PLCB4: variants seen among roughly 807,000 people sequenced by gnomAD.
PLCB4 encodes the protein phospholipase C beta 4, also known as 1-phosphatidylinositol 4,5-bisphosphate phosphodiesterase beta-4.
PLCB4 carries 77 observed loss-of-function variants against 178.8 expected under a neutral mutation model. The observed-to-expected ratio is 0.43, with a 90% CI of 0.36 to 0.52. The LOEUF is 0.52. PLCB4 is among the 20% of genes least tolerant of loss of function. The pLI, the probability that PLCB4 is intolerant of heterozygous loss-of-function variation, is 0.00. For synonymous variants in PLCB4, 496 were observed against 490.8 expected (o/e 1.01, Z -0.14); for missense variants, 1,024 against 1,453.4 (o/e 0.70, Z 4.80).
At chr20:9,150,226 G>C (rs938589848) in intron 2 of PLCB4, among the ~76,000 whole-genome samples, 1 of 152,178 alleles carries the variant, frequency 6.6e-6, no homozygotes, top group Admixed American at 6.5e-5. Context: ...CTTGGTGAAT[G>C]CTCAACACTA....
intron 4 of PLCB4, among the ~76,000 whole-genome samples, chr20:9,332,957 G>T (rs2031910196): frequency 6.6e-6 from 1 of 152,164 alleles, no homozygotes; most frequent in Non-Finnish European, 1.5e-5. Context: ...AGATGAGTTT[G>T]TATGCATTAC....
chr20:9,118,314 A>C lies in PLCB4; in HGVS notation c.-79+21972A>C, dbSNP rs200382884. Among the ~76,000 whole-genome samples the C allele has an allele frequency of 7.9e-4, 117 of 148,352 alleles. No individual in the cohort carries two copies. In the East Asian group the frequency reaches 0.016, roughly 21 times the overall value. On this transcript the variant is annotated intron_variant, in intron 2 of 39. Transcript: ENST00000378473. ...CTTAAAGTATAATAATAAAAAAAAA[A>C]CAACAAAGTGCTTATAAAATATGAG...
At chr20:9,280,345 C>A in intron 3 of PLCB4, 1 of 458,388 alleles carries the variant, frequency 2.2e-6, no homozygotes, top group Non-Finnish European at 2.9e-6. Flanking sequence ...TTTCAAAACA[C>A]TGGCTCTTCA....
rs886056981 is a variant in PLCB4, at chr20:9,384,189, T to G, written c.854-12T>G. On this transcript the variant is annotated splice_polypyrimidine_tract_variant and intron_variant, in intron 13 of 39. Coordinates refer to ENST00000378473, the MANE Select transcript of PLCB4 (RefSeq NM_001377142.1). ...AGCTACAAGTGCTACTAAGATGTTC[T>G]TTTTCCCCTAGGCCTTATATCAAGT... The G allele has an allele frequency of 6.2e-7, 1 of 1,600,440 alleles. No homozygotes were observed. Among genetic ancestry groups the G allele is most frequent in the Admixed American group, 1.7e-5 (1 of 59,998 alleles).
intron 25 of PLCB4, among the ~76,000 whole-genome samples, chr20:9,418,101 A>T (rs1290220307): frequency 6.6e-6 from 1 of 151,932 alleles, no homozygotes. Flanking sequence ...TGAATTGCAA[A>T]TTTTTTCCTT....
intron 3 of PLCB4, among the ~76,000 whole-genome samples, chr20:9,267,261 A>G (rs1372112822): frequency 6.6e-6 from 1 of 152,198 alleles, no homozygotes; most frequent in Non-Finnish European, 1.5e-5. Context: ...TTTGTCAACT[A>G]GGACATTATA....
chr20:9,163,549 T>C (rs528524615), intron 2 of PLCB4, among the ~76,000 whole-genome samples: 2 of 152,070 alleles, frequency 1.3e-5, no homozygotes, highest in East Asian at 3.9e-4. Flanking sequence ...GTTTTTTTTT[T>C]CCTTTCTATA....
At chr20:9,100,684 C>T (rs1448758130) in intron 2 of PLCB4, among the ~76,000 whole-genome samples, 1 of 152,156 alleles carries the variant, frequency 6.6e-6, no homozygotes, top group Non-Finnish European at 1.5e-5. Context: ...ACCATGTAAT[C>T]AAAACTGTTG....
chr20:9,346,413 C>G (rs747603127), intron 7 of PLCB4, among the ~76,000 whole-genome samples: 2 of 152,148 alleles, frequency 1.3e-5, no homozygotes, highest in African/African-American at 4.8e-5. Context: ...TGAGCTGATG[C>G]CTGCTGAATA....
chr20:9,325,254 T>C (rs181823637), intron 4 of PLCB4, among the ~76,000 whole-genome samples: 8 of 152,336 alleles, frequency 5.3e-5, no homozygotes, highest in Admixed American at 2.6e-4. Flanking sequence ...GTTGTAAATA[T>C]TTATTAAGAA....
At chr20:9,353,627 T>C (rs1330143708) in intron 7 of PLCB4, among the ~76,000 whole-genome samples, 1 of 152,258 alleles carries the variant, frequency 6.6e-6, no homozygotes, top group Non-Finnish European at 1.5e-5. Context: ...GTCCTGCCTG[T>C]ACCATCAGCT....
chr20:9,260,822 C>T (rs1008475767), intron 3 of PLCB4, among the ~76,000 whole-genome samples: 1 of 151,750 alleles, frequency 6.6e-6, no homozygotes, highest in Non-Finnish European at 1.5e-5. Flanking sequence ...AGTAAAAATC[C>T]CTTAAAGAAA....
intron 38 of PLCB4, among the ~76,000 whole-genome samples, chr20:9,475,437 A>G (rs75401168): frequency 0.064 from 9,709 of 152,236 alleles, 422 homozygotes; most frequent in Non-Finnish European, 0.1. Flanking sequence ...ATTAGATTGT[A>G]TTGGGAGGGT....
At chr20:9,161,914 A>G (rs946178898) in intron 2 of PLCB4, among the ~76,000 whole-genome samples, 3 of 152,234 alleles carry the variant, frequency 2.0e-5, no homozygotes, top group Non-Finnish European at 4.4e-5. Context: ...TAACACTAAT[A>G]CTATTGGCAG....
At chr20:9,416,428 A>T (rs1158961646) in intron 25 of PLCB4, among the ~76,000 whole-genome samples, 1 of 152,128 alleles carries the variant, frequency 6.6e-6, no homozygotes, top group Non-Finnish European at 1.5e-5. Flanking sequence ...GGGAGGCAGA[A>T]TCCCTCATTT....
chr20:9,437,269 T>A, intron 30 of PLCB4, 117 bp downstream of exon 30: 1 of 899,422 alleles, frequency 1.1e-6, no homozygotes, highest in Non-Finnish European at 1.6e-6. Flanking sequence ...AAGAACCTTT[T>A]ACATAGTGAT....
In PLCB4 at chr20:9,368,148, T is replaced by C. The variant is rs116988870; in HGVS notation, c.503+2634T>C. On this transcript the variant is annotated intron_variant, in intron 9 of 39. Coordinates refer to ENST00000378473, the MANE Select transcript of PLCB4 (RefSeq NM_001377142.1). ...AACTATTAGTGTACTGTCCATAATA[T>C]TAAAAGAGATCTGGCTTCATAGTGA... Among the ~76,000 whole-genome samples, 949 of 152,342 alleles carry C rather than the reference T, an allele frequency of 6.2e-3. 7 individuals carry two copies. Among genetic ancestry groups the C allele is most frequent in the Non-Finnish European group, 9.7e-3 (661 of 68,034 alleles).
chr20:9,470,004 G>A (rs1413985507), intron 36 of PLCB4, among the ~76,000 whole-genome samples: 3 of 152,180 alleles, frequency 2.0e-5, no homozygotes, highest in Admixed American at 6.5e-5. Flanking sequence ...TAGCAAGAAG[G>A]TGGCCTTTTG....
chr20:9,339,686 T>C (rs1235452792), intron 7 of PLCB4, among the ~76,000 whole-genome samples: 1 of 152,180 alleles, frequency 6.6e-6, no homozygotes, highest in Non-Finnish European at 1.5e-5. Flanking sequence ...CAAATCAGAC[T>C]AACCACATTT....
Sources: gnomAD v4.1 joint callset for allele counts (sites outside exome capture counted in the v4.1 genomes callset) on GRCh38, gnomAD v4.1.1 for gene constraint, MANE v1.5 for transcripts, NCBI Gene and HGNC (gene_info 2026-07-23, HGNC 2026-07-21) for gene names.